Variants in RAPGEF5 observed in about 807,000 individuals in gnomAD.
RAPGEF5 encodes M-Ras-regulated GEF.
A neutral mutation model predicts 125.2 loss-of-function variants in RAPGEF5; 65 were observed. That is an observed-to-expected ratio of 0.52 (90% CI 0.43 to 0.64). The LOEUF (loss-of-function observed/expected upper bound fraction) is 0.64, where lower values mean the gene tolerates loss of function less well. RAPGEF5 is among the 30% of genes least tolerant of loss of function. RAPGEF5 has a pLI of 0.00. For missense variants in RAPGEF5, 958 were observed against 1,048.1 expected (o/e 0.91, Z 1.19); for synonymous variants, 391 against 385.9 (o/e 1.01, Z -0.16).
intron 11 of RAPGEF5, among the ~76,000 whole-genome samples, chr7:22,169,460 T>C (rs12530484): frequency 0.93 from 141,561 of 152,196 alleles, 65,907 homozygotes; most frequent in East Asian, 0.99. Context: ...TGAAAACTAT[T>C]CCTCTGGGCC....
chr7:22,123,034 C>G (rs1459322360), intron 25 of RAPGEF5, among the ~76,000 whole-genome samples: 1 of 152,054 alleles, frequency 6.6e-6, no homozygotes, highest in East Asian at 1.9e-4. Flanking sequence ...CTTTGGTATT[C>G]TCATTTTTTG....
intron 9 of RAPGEF5, among the ~76,000 whole-genome samples, chr7:22,205,398 G>A (rs1785375598): frequency 6.6e-6 from 1 of 152,230 alleles, no homozygotes; most frequent in Non-Finnish European, 1.5e-5. Context: ...TTTTACAGAT[G>A]TGATTTGAAG....
chr7:22,315,565 A>AGTATGC, intron 2 of RAPGEF5, 89 bp from the exon 3 acceptor site: 1 of 591,586 alleles, frequency 1.7e-6, no homozygotes, highest in Non-Finnish European at 2.2e-6. Flanking sequence ...ATATATATAT[A>AGTATGC]TATTTATATA....
intron 1 of RAPGEF5, among the ~76,000 whole-genome samples, chr7:22,336,824 T>C (rs146260431): frequency 3.7e-4 from 56 of 152,312 alleles, no homozygotes; most frequent in African/African-American, 1.3e-3. Context: ...ACCTTTCAAA[T>C]TGCCTGTGAG....
chr7:22,328,795 C>T (rs1426658737), intron 1 of RAPGEF5, among the ~76,000 whole-genome samples: 2 of 152,162 alleles, frequency 1.3e-5, no homozygotes, highest in African/African-American at 2.4e-5. Context: ...ACTTTCTTGG[C>T]GGAGGAGGTC....
chr7:22,231,373 C>T (rs898391764), intron 7 of RAPGEF5, among the ~76,000 whole-genome samples: 12 of 152,050 alleles, frequency 7.9e-5, no homozygotes, highest in African/African-American at 2.9e-4. Context: ...CACAAAATTC[C>T]ATATTGTGGA....
chr7:22,356,724 C>T, intron 1 of RAPGEF5, 106 bp downstream of exon 1: 1 of 566,016 alleles, frequency 1.8e-6, no homozygotes, highest in Non-Finnish European at 2.3e-6. Flanking sequence ...GCGTCCCTTC[C>T]GCCACCTCCC....
intron 1 of RAPGEF5, among the ~76,000 whole-genome samples, chr7:22,324,158 C>T (rs566893212): frequency 6.6e-6 from 1 of 152,312 alleles, no homozygotes; most frequent in East Asian, 1.9e-4. Context: ...TTGACATCTG[C>T]CTCCTGATAT....
At chr7:22,303,521 G>A (rs780660949) in intron 5 of RAPGEF5, among the ~76,000 whole-genome samples, 1 of 152,082 alleles carries the variant, frequency 6.6e-6, no homozygotes, top group Admixed American at 6.6e-5. Flanking sequence ...TGTTTACATA[G>A]AGCCATTAAA....
At chr7:22,154,630 G>T (rs1355125990) in intron 16 of RAPGEF5, 26 bp from the exon 17 acceptor site, 1 of 1,608,194 alleles carries the variant, frequency 6.2e-7, no homozygotes, top group East Asian at 2.2e-5. Flanking sequence ...GAATTGTTTG[G>T]AAACAGAGAA....
intron 1 of RAPGEF5, among the ~76,000 whole-genome samples, chr7:22,322,043 TATG>T (rs1185775075): frequency 6.6e-6 from 1 of 152,192 alleles, no homozygotes; most frequent in Admixed American, 6.5e-5. Context: ...CACATCACTC[TATG>T]ATAACATGCT....
At chr7:22,310,198 A>G in intron 3 of RAPGEF5, 108 bp from the exon 4 acceptor site, 2 of 1,203,542 alleles carry the variant, frequency 1.7e-6, no homozygotes, top group Non-Finnish European at 2.1e-6. Context: ...CTTTTTTTAG[A>G]CAAGCAACCC....
chr7:22,194,494 A>G (rs1785098879), intron 9 of RAPGEF5: 2 of 726,610 alleles, frequency 2.8e-6, no homozygotes, highest in Non-Finnish European at 3.4e-6. Context: ...CCTATTCAGT[A>G]GTTGCAATCA....
intron 9 of RAPGEF5, among the ~76,000 whole-genome samples, 191 bp downstream of exon 9, chr7:22,219,675 C>T (rs1008159294): frequency 5.9e-5 from 9 of 151,972 alleles, no homozygotes; most frequent in African/African-American, 1.7e-4. Context: ...TCTTATAAAT[C>T]CTGTGTCATA....
chr7:22,143,833 A>G (rs930069190), intron 20 of RAPGEF5, among the ~76,000 whole-genome samples: 3 of 152,246 alleles, frequency 2.0e-5, no homozygotes, highest in Non-Finnish European at 2.9e-5. Context: ...CAGCTGAGGT[A>G]TAGAATTACC....
intron 11 of RAPGEF5, chr7:22,191,568 C>T (rs1246587704): frequency 2.1e-6 from 1 of 471,152 alleles, no homozygotes; most frequent in Non-Finnish European, 4.4e-6. Context: ...GAGAGTCAAG[C>T]CATGAAGTCC....
intron 11 of RAPGEF5, among the ~76,000 whole-genome samples, chr7:22,179,281 T>C (rs1020958533): frequency 3.3e-5 from 5 of 152,206 alleles, no homozygotes; most frequent in Admixed American, 2.6e-4. Context: ...ATTTCTTATA[T>C]GAAAAATGTT....
intron 7 of RAPGEF5, among the ~76,000 whole-genome samples, chr7:22,237,947 G>C (rs1786233901): frequency 6.6e-6 from 1 of 152,186 alleles, no homozygotes; most frequent in African/African-American, 2.4e-5. Flanking sequence ...TTAACATCAT[G>C]AAAGGCATCC....
intron 1 of RAPGEF5, among the ~76,000 whole-genome samples, chr7:22,329,888 G>C (rs1204750560): frequency 2.0e-5 from 3 of 152,036 alleles, no homozygotes; most frequent in Non-Finnish European, 4.4e-5. Flanking sequence ...TCCACTAACT[G>C]CTCCCGCCGC....
Sources: allele counts gnomAD v4.1 joint callset (sites outside exome capture counted in the v4.1 genomes callset), GRCh38; gene constraint gnomAD v4.1.1; transcripts MANE v1.5; gene names NCBI Gene and HGNC (gene_info 2026-07-23, HGNC 2026-07-21).